TTC28: variants seen among roughly 807,000 people sequenced by gnomAD.
TTC28 encodes tetratricopeptide repeat protein 28.
In TTC28, 61 loss-of-function variants were observed where a neutral mutation model predicts 198.0. The observed-to-expected ratio is 0.31, with a 90% confidence interval of 0.25 to 0.38. The LOEUF is 0.38. Among genes scored for constraint, TTC28 ranks in the 10% least tolerant of loss-of-function variants. The pLI, the probability that TTC28 is intolerant of heterozygous loss-of-function variation, is 1.00. For synonymous variants in TTC28, 1,171 were observed against 1,297.8 expected, an observed-to-expected ratio of 0.90 and a Z score of 2.10; for missense variants, 2,678 against 3,164.0, an observed-to-expected ratio of 0.85 and a Z score of 3.69.
chr22:28,679,551 G>T, intron 1 of TTC28, 71 bp downstream of exon 1: 1 of 1,081,346 alleles, frequency 9.2e-7, no homozygotes, highest in Non-Finnish European at 1.3e-6. Context: ...CTGCCGCTGA[G>T]GCCCGGCCCG....
At chr22:28,083,071 A>ATT (rs201798492) in intron 12 of TTC28, among the ~76,000 whole-genome samples, 7 of 141,110 alleles carry the variant, frequency 5.0e-5, no homozygotes, top group Admixed American at 7.1e-5. Flanking sequence ...ATGATGATTC[A>ATT]TTTTTTTTTT....
chr22:28,323,092 G>A (rs6005758), intron 2 of TTC28, among the ~76,000 whole-genome samples: 5,992 of 152,258 alleles, frequency 0.039, 149 homozygotes, highest in East Asian at 0.054. Flanking sequence ...TCAGGGATTA[G>A]GGCATGGACA....
intron 5 of TTC28, among the ~76,000 whole-genome samples, chr22:28,260,343 AGTCTAT>A (rs1304082030): frequency 6.6e-6 from 1 of 152,182 alleles, no homozygotes; most frequent in African/African-American, 2.4e-5. Flanking sequence ...ATGGAATAGG[AGTCTAT>A]TTTAACCATC....
chr22:28,162,253 T>C (rs969496673), intron 6 of TTC28, among the ~76,000 whole-genome samples: 4 of 152,356 alleles, frequency 2.6e-5, no homozygotes, highest in South Asian at 2.1e-4. Flanking sequence ...AAACAGTGAA[T>C]GTAAATCTAT....
At chr22:28,026,962 C>T (rs774074436) in intron 13 of TTC28, among the ~76,000 whole-genome samples, 1 of 152,154 alleles carries the variant, frequency 6.6e-6, no homozygotes, top group African/African-American at 2.4e-5. Context: ...TACTTAATAC[C>T]AACGCAGTCC....
chr22:28,476,396 T>C (rs1193598708), intron 2 of TTC28, among the ~76,000 whole-genome samples: 1 of 152,346 alleles, frequency 6.6e-6, no homozygotes, highest in African/African-American at 2.4e-5. Context: ...TCCAGTTTTG[T>C]TCCTATTACA....
At chr22:28,221,482 G>A (rs1927859564) in intron 5 of TTC28, among the ~76,000 whole-genome samples, 1 of 152,190 alleles carries the variant, frequency 6.6e-6, no homozygotes, top group Non-Finnish European at 1.5e-5. Flanking sequence ...AGCAAGAGAA[G>A]ACAAGAACTG....
chr22:28,557,715 T>C (rs995009072), intron 2 of TTC28, among the ~76,000 whole-genome samples: 1 of 152,244 alleles, frequency 6.6e-6, no homozygotes, highest in African/African-American at 2.4e-5. Flanking sequence ...TTGGTCATCT[T>C]GGATTGTGAC....
chr22:28,578,673 T>C (rs1008816388), intron 2 of TTC28, among the ~76,000 whole-genome samples: 4 of 152,128 alleles, frequency 2.6e-5, no homozygotes, highest in Admixed American at 2.6e-4. Flanking sequence ...AGTCCTGAAT[T>C]GCCTACACCA....
intron 2 of TTC28, among the ~76,000 whole-genome samples, chr22:28,356,254 T>C (rs2046075879): frequency 1.3e-5 from 2 of 152,150 alleles, no homozygotes; most frequent in Admixed American, 1.3e-4. Context: ...TTGTGTCAAT[T>C]GCTGTCTACA....
At chr22:28,653,765 C>CT (rs2051600710) in intron 1 of TTC28, among the ~76,000 whole-genome samples, 1 of 152,162 alleles carries the variant, frequency 6.6e-6, no homozygotes, top group Non-Finnish European at 1.5e-5. Context: ...CCAGCTACTC[C>CT]TTTTGTTAGC....
chr22:28,014,239 G>A lies in TTC28; in HGVS notation c.4218+9C>T, dbSNP rs772872447. ...GCGGAGGAGCCTTGTGCCCCCAGGA[G>A]GTGCTTACCCCTTCCATGGGCGCGA... On this transcript the variant is annotated intron_variant, in intron 14 of 22. Coordinates refer to ENST00000397906, the MANE Select transcript of TTC28 (RefSeq NM_001145418.2). 21 of 1,547,980 alleles carry A rather than the reference G, an allele frequency of 1.4e-5. No homozygotes were observed. Among genetic ancestry groups the A allele is most frequent in the South Asian group, 1.2e-4 (10 of 83,310 alleles).
At chr22:28,618,891 C>A (rs551765508) in intron 2 of TTC28, among the ~76,000 whole-genome samples, 1 of 152,074 alleles carries the variant, frequency 6.6e-6, no homozygotes, top group South Asian at 2.1e-4. Context: ...AAACAGTGAG[C>A]TACACTTATA....
intron 2 of TTC28, among the ~76,000 whole-genome samples, chr22:28,609,884 C>A (rs1791668203): frequency 6.6e-6 from 1 of 152,184 alleles, no homozygotes; most frequent in South Asian, 2.1e-4. Context: ...CGACCTGGGA[C>A]ACTCAAGCTT....
intron 1 of TTC28, among the ~76,000 whole-genome samples, chr22:28,655,830 G>C (rs1396219485): frequency 6.8e-6 from 1 of 148,112 alleles, no homozygotes; most frequent in Non-Finnish European, 1.5e-5. Flanking sequence ...CAGCCTGGGC[G>C]ACAGAGCAAG....
intron 2 of TTC28, among the ~76,000 whole-genome samples, chr22:28,621,859 G>C (rs2051005867): frequency 6.6e-6 from 1 of 151,714 alleles, no homozygotes; most frequent in African/African-American, 2.4e-5. Context: ...TATCTTAAAT[G>C]TATGAGACTA....
At chr22:28,274,210 T>C (rs1027105789) in intron 5 of TTC28, among the ~76,000 whole-genome samples, 6 of 152,222 alleles carry the variant, frequency 3.9e-5, no homozygotes, top group South Asian at 2.1e-4. Flanking sequence ...GTTTCTGATA[T>C]GCAGAGAGGG....
chr22:28,638,988 A>G (rs1007044125), intron 1 of TTC28, among the ~76,000 whole-genome samples: 14 of 152,304 alleles, frequency 9.2e-5, no homozygotes, highest in Non-Finnish European at 1.5e-4. Flanking sequence ...TTACAGAACA[A>G]TTTGGGAACA....
At chr22:28,586,355 GT>G (rs1212568629) in intron 2 of TTC28, among the ~76,000 whole-genome samples, 3 of 151,294 alleles carry the variant, frequency 2.0e-5, no homozygotes, top group African/African-American at 7.3e-5. Flanking sequence ...ATTGGACACA[GT>G]TTTACAAATA....
Sources: gnomAD v4.1 joint callset for allele counts (sites outside exome capture counted in the v4.1 genomes callset) on GRCh38, gnomAD v4.1.1 for gene constraint, MANE v1.5 for transcripts, NCBI Gene and HGNC (gene_info 2026-07-23, HGNC 2026-07-21) for gene names.